Variants in PDXDC1 observed in about 807,000 individuals in gnomAD.
PDXDC1 encodes pyridoxal-dependent decarboxylase domain-containing protein 1.
Under a neutral mutation model 100.1 loss-of-function variants are expected in PDXDC1, and 42 were observed. The observed-to-expected ratio is 0.42, with a 90% CI of 0.33 to 0.54. PDXDC1 has a LOEUF of 0.54. PDXDC1 is among the 20% of genes least tolerant of loss of function. PDXDC1 has a pLI of 0.10. For synonymous variants in PDXDC1, 260 were observed against 371.7 expected, an observed-to-expected ratio of 0.70 and a Z score of 3.46; for missense variants, 636 against 979.2, an observed-to-expected ratio of 0.65 and a Z score of 4.68.
In PDXDC1 at chr16:15,133,095, C is replaced by T. The variant is rs908715311; in HGVS notation, c.1400-5784C>T. ...TGGAAAGCAGACGCCGGAGAGGGCC[C>T]GGTGGGTGTGGCTGCTGGGAGCGGA... On this transcript the variant is annotated intron_variant, in intron 16 of 16. Coordinates refer to the PDXDC1 transcript ENST00000535621. The T allele has an allele frequency of 1.3e-4, 78 of 618,902 alleles. 1 individual carries two copies. In the East Asian group the frequency reaches 1.6e-3, roughly 12 times the overall value. The allele number at this position is 618,902 out of a possible 1,614,324, so 38.3% of individuals were successfully genotyped here.
chr16:15,127,689 G>A, intron 16 of PDXDC1: 1 of 1,431,506 alleles, frequency 7.0e-7, no homozygotes, highest in Non-Finnish European at 9.6e-7. Context: ...GCACCCACCT[G>A]TAGGCAGAGT....
intron 16 of PDXDC1, chr16:15,048,028 T>C (rs1397252862): frequency 3.7e-6 from 6 of 1,613,416 alleles, no homozygotes; most frequent in Non-Finnish European, 4.2e-6. Flanking sequence ...CAAGCTCTCT[T>C]TGCTGAACAT....
At chr16:15,043,295 C>T (rs996328077), downstream of PDXDC1, among the ~76,000 whole-genome samples, 2 of 152,196 alleles carry the variant, frequency 1.3e-5, no homozygotes, top group Admixed American at 1.3e-4. Context: ...CTTGGCCTCC[C>T]AAAGTGCTGG....
chr16:15,102,719 G>C (rs2046603123), intron 16 of PDXDC1, among the ~76,000 whole-genome samples: 1 of 141,456 alleles, frequency 7.1e-6, no homozygotes, highest in Non-Finnish European at 1.5e-5. Context: ...GTGAGGCTGA[G>C]GTAGGAGGAC....
chr16:15,047,323 G>A (rs559421619), intron 16 of PDXDC1: 11 of 713,854 alleles, frequency 1.5e-5, no homozygotes, highest in Non-Finnish European at 2.8e-5. Flanking sequence ...TGTTCCAGGG[G>A]AACGAGGCAG....
chr16:15,007,669 A>T (rs535762342), intron 6 of PDXDC1, among the ~76,000 whole-genome samples: 1 of 152,386 alleles, frequency 6.6e-6, no homozygotes, highest in Non-Finnish European at 1.5e-5. Flanking sequence ...ATTGATTCTG[A>T]GCTGTGATCA....
intron 16 of PDXDC1, among the ~76,000 whole-genome samples, chr16:15,097,202 A>C (rs928431223): frequency 5.9e-5 from 9 of 151,960 alleles, no homozygotes; most frequent in Non-Finnish European, 1.2e-4. Flanking sequence ...CAGGAGTTGG[A>C]AGCTGCAGTG....
chr16:15,041,810 G>GC (rs1230645167), downstream of PDXDC1: 1 of 708,378 alleles, frequency 1.4e-6, no homozygotes, highest in Non-Finnish European at 2.6e-6. Context: ...CGCCCACACT[G>GC]CCACAGCCTG....
At chr16:15,127,982 G>A (rs760617351) in intron 16 of PDXDC1, 8 of 1,581,868 alleles carry the variant, frequency 5.1e-6, no homozygotes, top group African/African-American at 1.3e-5. Context: ...AACATGGAAC[G>A]AGGCCTTACT....
downstream of PDXDC1, among the ~76,000 whole-genome samples, chr16:15,143,508 G>A (rs1266121061): frequency 1.3e-5 from 2 of 152,188 alleles, no homozygotes; most frequent in Non-Finnish European, 2.9e-5. Context: ...TCGCCCTGGA[G>A]CCTCGGCCCC....
chr16:15,038,914 G>A (rs186455431), downstream of PDXDC1, among the ~76,000 whole-genome samples: 13 of 152,296 alleles, frequency 8.5e-5, 1 homozygote, highest in East Asian at 2.5e-3. Context: ...AGTCCCACAG[G>A]ACGAGGGTGT....
At chr16:15,042,983 C>G (rs934346923), downstream of PDXDC1, among the ~76,000 whole-genome samples, 2 of 151,900 alleles carry the variant, frequency 1.3e-5, no homozygotes, top group East Asian at 1.9e-4. Flanking sequence ...TCACCGCAAC[C>G]TATACCTCCC....
At chr16:15,074,572 G>A in intron 16 of PDXDC1, 1 of 475,622 alleles carries the variant, frequency 2.1e-6, no homozygotes. Context: ...TGACTGGCAA[G>A]TAACTTGACC....
intron 15 of PDXDC1, chr16:15,029,445 G>A (rs1168361090): frequency 1.1e-5 from 4 of 360,602 alleles, no homozygotes; most frequent in Non-Finnish European, 1.9e-5. Context: ...TGCTGGACAC[G>A]CCCAGCCTAG....
At chr16:15,150,347 C>CAACA in the PDXDC1 span, among the ~76,000 whole-genome samples, 1 of 141,112 alleles carries the variant, frequency 7.1e-6, no homozygotes, top group Non-Finnish European at 1.5e-5. Flanking sequence ...TCTCAAATAA[C>CAACA]AATAAATAAA....
At chr16:15,094,103 C>T in intron 16 of PDXDC1, 1 of 1,536,634 alleles carries the variant, frequency 6.5e-7, no homozygotes, top group Non-Finnish European at 8.9e-7. Context: ...CCGTCCTGAG[C>T]TTTCGTCCCA....
rs1267624686 is a variant in PDXDC1, at chr16:15,073,222, T to G, written c.1399+43166T>G. 19 of 923,006 alleles carry G rather than the reference T, an allele frequency of 2.1e-5. No individual in the cohort carries two copies. In the East Asian group the frequency reaches 3.4e-4, roughly 17 times the overall value. 57.2% of individuals were successfully genotyped at this position (923,006 alleles called of 1,614,324 possible). On this transcript the variant is annotated intron_variant, in intron 16 of 16. Transcript: ENST00000535621. The stretch of plus-strand genomic sequence containing the variant: ...GGCTCCTGCCTGCAATCCCAGCACT[T>G]TGGGAGGCCAAAGTGAGAGGGAGCC...
At chr16:15,044,037 T>C (rs1052627466) in intron 16 of PDXDC1, among the ~76,000 whole-genome samples, 3 of 152,196 alleles carry the variant, frequency 2.0e-5, no homozygotes, top group Non-Finnish European at 4.4e-5. Context: ...ATGGACATTT[T>C]TGCCAGGAGG....
chr16:15,059,836 A>T (rs2044647007), intron 16 of PDXDC1, among the ~76,000 whole-genome samples: 1 of 152,152 alleles, frequency 6.6e-6, no homozygotes, highest in Admixed American at 6.6e-5. Context: ...GGGTGTGATT[A>T]AGGAGAGTCG....
Sources: allele counts gnomAD v4.1 joint callset (sites outside exome capture counted in the v4.1 genomes callset), GRCh38; gene constraint gnomAD v4.1.1; transcripts MANE v1.5; gene names NCBI Gene and HGNC (gene_info 2026-07-23, HGNC 2026-07-21).